Variants in GPC6 observed in about 807,000 individuals in gnomAD.
GPC6 encodes glypican-6.
A neutral mutation model predicts 55.2 loss-of-function variants in GPC6; 14 were observed. The ratio of observed to expected loss-of-function variants is 0.25; its 90% CI spans 0.17 to 0.40. The LOEUF is 0.40. Ranked by LOEUF, GPC6 falls within the 10% of genes least tolerant of loss-of-function variation. The pLI is 1.00. For missense variants in GPC6, 641 were observed against 708.5 expected, an observed-to-expected ratio of 0.90 and a Z score of 1.08; for synonymous variants, 278 against 259.6, an observed-to-expected ratio of 1.07 and a Z score of -0.68.
At chr13:93,467,772 G>A (rs1878966146) in intron 1 of GPC6, among the ~76,000 whole-genome samples, 1 of 151,328 alleles carries the variant, frequency 6.6e-6, no homozygotes, top group Admixed American at 6.6e-5. Flanking sequence ...TTATTTTTTT[G>A]TAGAGACAGT....
In GPC6 at chr13:94,192,165, C is replaced by T. The variant is rs540682225; in HGVS notation, c.878-94184C>T. ...TATTTTACATAGAGGTTGCTTAAAT[C>T]CACTGCTGAAATGCAGGCAACTCTG... On this transcript the variant is annotated intron_variant, in intron 4 of 8. Coordinates refer to ENST00000377047, the MANE Select transcript of GPC6 (RefSeq NM_005708.5). 2.0e-5 allele frequency among the ~76,000 whole-genome samples: 3 copies of T among 152,236 alleles called. No homozygotes were observed. In the South Asian group the frequency reaches 6.2e-4, roughly 32 times the overall value.
chr13:94,272,867 G>A (rs1489202622), intron 4 of GPC6, among the ~76,000 whole-genome samples: 4 of 152,064 alleles, frequency 2.6e-5, no homozygotes, highest in East Asian at 1.9e-4. Context: ...CTCAGGCCAC[G>A]GTCACAGCTC....
chr13:93,886,797 A>T (rs1875367832), intron 3 of GPC6, among the ~76,000 whole-genome samples: 2 of 145,578 alleles, frequency 1.4e-5, no homozygotes, highest in African/African-American at 2.5e-5. Flanking sequence ...CCAAAACGAT[A>T]TTGCTAATAA....
intron 2 of GPC6, among the ~76,000 whole-genome samples, chr13:93,778,955 A>G (rs1885551216): frequency 6.6e-6 from 1 of 152,226 alleles, no homozygotes; most frequent in Non-Finnish European, 1.5e-5. Flanking sequence ...TTTTTCTTCT[A>G]AAAGATCATT....
chr13:94,076,007 T>C (rs1286772600), intron 4 of GPC6, among the ~76,000 whole-genome samples: 1 of 152,124 alleles, frequency 6.6e-6, no homozygotes, highest in East Asian at 1.9e-4. Context: ...TATATGTTAG[T>C]TCCATTTAAA....
At chr13:93,891,028 C>A (rs1875651328) in intron 3 of GPC6, among the ~76,000 whole-genome samples, 1 of 151,776 alleles carries the variant, frequency 6.6e-6, no homozygotes, top group South Asian at 2.1e-4. Context: ...AAAATATGAA[C>A]CTATCAGTGG....
chr13:94,233,467 T>C (rs1890789798), intron 4 of GPC6, among the ~76,000 whole-genome samples: 1 of 152,204 alleles, frequency 6.6e-6, no homozygotes, highest in Non-Finnish European at 1.5e-5. Flanking sequence ...CAGCCAACTA[T>C]AGCTTGAAAA....
intron 2 of GPC6, among the ~76,000 whole-genome samples, chr13:93,621,311 C>T (rs1017023525): frequency 1.3e-5 from 2 of 152,152 alleles, no homozygotes; most frequent in Non-Finnish European, 2.9e-5. Context: ...TAAAGGGAGG[C>T]TGAGAGAAAG....
At chr13:94,076,788 A>T (rs910964415) in intron 4 of GPC6, among the ~76,000 whole-genome samples, 6 of 151,880 alleles carry the variant, frequency 4.0e-5, no homozygotes, top group African/African-American at 1.4e-4. Flanking sequence ...AGTTAATCAT[A>T]TACATGTGGT....
intron 1 of GPC6, among the ~76,000 whole-genome samples, chr13:93,318,881 T>C (rs1879333381): frequency 6.6e-6 from 1 of 152,150 alleles, no homozygotes; most frequent in African/African-American, 2.4e-5. Context: ...TTGCTATATG[T>C]TATAGCTTTC....
At chr13:93,568,728 CT>C (rs1052127331) in intron 2 of GPC6, among the ~76,000 whole-genome samples, 2 of 152,174 alleles carry the variant, frequency 1.3e-5, no homozygotes, top group African/African-American at 4.8e-5. Context: ...GAGGCTGTCT[CT>C]GTCTGGCATA....
At chr13:93,877,326 C>A (rs1375280987) in intron 3 of GPC6, among the ~76,000 whole-genome samples, 4 of 151,896 alleles carry the variant, frequency 2.6e-5, no homozygotes, top group Admixed American at 1.3e-4. Flanking sequence ...AGTCATGTAC[C>A]TAGAACATAG....
Position 94,011,319 on chromosome 13 carries a change from C to T in GPC6, c.712-16410C>T, listed in dbSNP as rs372690997. ...CTGGTGTCATCCTTCAAAGTAACCCCCTTCTGAAACTAAAAAATTATTCAA... is the reference window on the plus strand; with the variant it reads ...CTGGTGTCATCCTTCAAAGTAACCCTCTTCTGAAACTAAAAAATTATTCAA... On this transcript the variant is annotated intron_variant, in intron 3 of 8. Coordinates refer to ENST00000377047, the MANE Select transcript of GPC6 (RefSeq NM_005708.5). Among the ~76,000 whole-genome samples the T allele has an allele frequency of 3.9e-5, 6 of 152,198 alleles. No homozygotes were observed. The East Asian group carries it at 1.2e-3, about 29-fold the overall frequency.
At chr13:94,057,708 A>G (rs187251079) in intron 4 of GPC6, among the ~76,000 whole-genome samples, 2 of 152,186 alleles carry the variant, frequency 1.3e-5, no homozygotes, top group African/African-American at 4.8e-5. Context: ...GGTTTAAATA[A>G]GTGCTTGAAT....
intron 2 of GPC6, among the ~76,000 whole-genome samples, chr13:93,829,003 G>C (rs1218964838): frequency 6.6e-6 from 1 of 152,082 alleles, no homozygotes; most frequent in Admixed American, 6.5e-5. Flanking sequence ...CCCCAGAAAG[G>C]AGAAGAGTCC....
At chr13:94,370,971 G>A (rs898669236) in intron 6 of GPC6, among the ~76,000 whole-genome samples, 21 of 152,120 alleles carry the variant, frequency 1.4e-4, no homozygotes, top group African/African-American at 4.1e-4. Flanking sequence ...TGCTTGCTTT[G>A]TTTGAAATGA....
At chr13:94,181,595 C>G (rs531616114) in intron 4 of GPC6, among the ~76,000 whole-genome samples, 1 of 152,250 alleles carries the variant, frequency 6.6e-6, no homozygotes, top group Non-Finnish European at 1.5e-5. Context: ...TTATTAAGGT[C>G]CTGTAGATAC....
intron 2 of GPC6, among the ~76,000 whole-genome samples, chr13:93,550,632 C>A (rs1875097551): frequency 6.6e-6 from 1 of 151,994 alleles, no homozygotes; most frequent in African/African-American, 2.4e-5. Flanking sequence ...AGTATCATTT[C>A]TCATCTATAT....
intron 7 of GPC6, among the ~76,000 whole-genome samples, chr13:94,387,754 C>CTCTCTCTCTCTCTCTT (rs1170473715): frequency 7.6e-6 from 1 of 132,162 alleles, no homozygotes; most frequent in Non-Finnish European, 1.6e-5. Flanking sequence ...CTCTCTCTCT[C>CTCTCTCTCTCTCTCTT]TCTCTCTCTC....
Sources: allele counts gnomAD v4.1 joint callset (sites outside exome capture counted in the v4.1 genomes callset), GRCh38; gene constraint gnomAD v4.1.1; transcripts MANE v1.5; gene names NCBI Gene and HGNC (gene_info 2026-07-23, HGNC 2026-07-21).